ATP10B: variants seen among roughly 807,000 people sequenced by gnomAD.
ATP10B encodes the protein phospholipid-transporting ATPase VB.
A neutral mutation model predicts 141.2 loss-of-function variants in ATP10B; 122 were observed. That is an observed-to-expected ratio of 0.86 (90% CI 0.75 to 1.00). The LOEUF is 1.00. ATP10B is among the 50% of genes least tolerant of loss of function. The probability of loss-of-function intolerance (pLI) is 0.00; values close to 1 mark genes in which losing one functional copy is unlikely to be tolerated. For missense variants in ATP10B, 1,876 were observed against 1,825.3 expected (o/e 1.03, Z -0.51); for synonymous variants, 685 against 692.0 (o/e 0.99, Z 0.16).
At chr5:160,643,373 G>T (rs1381429111) in intron 9 of ATP10B, among the ~76,000 whole-genome samples, 1 of 152,188 alleles carries the variant, frequency 6.6e-6, no homozygotes, top group Non-Finnish European at 1.5e-5. Flanking sequence ...TCCAGCAAAG[G>T]TAGATGCTCC....
intron 2 of ATP10B, among the ~76,000 whole-genome samples, chr5:160,777,675 G>A (rs1770433656): frequency 1.3e-5 from 2 of 152,158 alleles, no homozygotes; most frequent in African/African-American, 2.4e-5. Context: ...TGACTATGTG[G>A]TTTTTATATA....
At chr5:160,633,553 G>A (rs1270728846) in intron 12 of ATP10B, 1 of 152,620 alleles carries the variant, frequency 6.6e-6, no homozygotes, top group Non-Finnish European at 1.5e-5. Flanking sequence ...GCCCATCGGG[G>A]GGTTGGGGGC....
At chr5:160,759,151 C>A (rs1487836679) in intron 2 of ATP10B, among the ~76,000 whole-genome samples, 1 of 152,146 alleles carries the variant, frequency 6.6e-6, no homozygotes, top group Non-Finnish European at 1.5e-5. Context: ...TCTTTCTGGG[C>A]CCTTTCAGAT....
chr5:160,720,943 C>G lies in ATP10B; in HGVS notation c.-330-3909G>C, dbSNP rs147159025. ...ATTGTTGATTACACTGGACTGATTT[C>G]AATTCCCTCAGTGAATAATTGGCAT... On this transcript the variant is annotated intron_variant, in intron 2 of 25. Coordinates refer to ENST00000327245, the MANE Select transcript of ATP10B (RefSeq NM_025153.3). Among the ~76,000 whole-genome samples the G allele has an allele frequency of 6.9e-3, 1,058 of 152,326 alleles. 4 individuals are homozygous for G. Among genetic ancestry groups the G allele is most frequent in the Middle Eastern group, 0.017 (5 of 294 alleles).
chr5:160,856,183 T>A (rs1753994098), upstream of ATP10B, among the ~76,000 whole-genome samples: 1 of 151,932 alleles, frequency 6.6e-6, no homozygotes, highest in Admixed American at 6.6e-5. Flanking sequence ...TCTTTACTAT[T>A]TGAATAGTCC....
chr5:160,709,621 T>TA (rs1246739245), intron 3 of ATP10B, among the ~76,000 whole-genome samples: 4 of 149,628 alleles, frequency 2.7e-5, no homozygotes, highest in South Asian at 2.2e-4. Flanking sequence ...TTTTTTTTTT[T>TA]ATTATACTCT....
chr5:160,859,979 T>C, the ATP10B span, among the ~76,000 whole-genome samples: 4 of 152,008 alleles, frequency 2.6e-5, no homozygotes, highest in African/African-American at 9.7e-5. Context: ...TAATTTTTAC[T>C]TGTACGTCTT....
At chr5:160,704,935 T>TTG (rs58334475) in intron 3 of ATP10B, among the ~76,000 whole-genome samples, 1 of 144,090 alleles carries the variant, frequency 6.9e-6, no homozygotes, top group Non-Finnish European at 1.5e-5. Flanking sequence ...TTTTTTTTTT[T>TTG]GTTGAGACAG....
At chr5:160,644,741 G>T (rs1229548278) in intron 8 of ATP10B, among the ~76,000 whole-genome samples, 3 of 152,008 alleles carry the variant, frequency 2.0e-5, no homozygotes, top group Non-Finnish European at 4.4e-5. Context: ...TTCAGCTCTG[G>T]GAATTATCCA....
chr5:160,834,838 A>G (rs1477108973), intron 1 of ATP10B, among the ~76,000 whole-genome samples: 1 of 152,096 alleles, frequency 6.6e-6, no homozygotes, highest in Non-Finnish European at 1.5e-5. Context: ...AGGATCTGTA[A>G]GACCTTGGTA....
intron 2 of ATP10B, among the ~76,000 whole-genome samples, chr5:160,717,566 T>C (rs1289915561): frequency 6.6e-6 from 1 of 152,200 alleles, no homozygotes; most frequent in African/African-American, 2.4e-5. Flanking sequence ...CGGTGATATA[T>C]TGGTTGAGAG....
At chr5:160,856,207 A>G (rs559090141), upstream of ATP10B, among the ~76,000 whole-genome samples, 1 of 151,892 alleles carries the variant, frequency 6.6e-6, no homozygotes, top group Non-Finnish European at 1.5e-5. Flanking sequence ...CAATGGACAT[A>G]GTGTGTCTCT....
At chr5:160,923,313 G>A in the ATP10B span, among the ~76,000 whole-genome samples, 5 of 152,210 alleles carry the variant, frequency 3.3e-5, no homozygotes, top group Admixed American at 3.3e-4. Flanking sequence ...ACATTGGCCT[G>A]GAGAATGGAT....
At chr5:160,857,262 A>G in the ATP10B span, among the ~76,000 whole-genome samples, 1 of 151,178 alleles carries the variant, frequency 6.6e-6, no homozygotes, top group African/African-American at 2.4e-5. Context: ...GGAAGTATCT[A>G]TTTTGCATTC....
chr5:160,848,683 T>C (rs1430333653), intron 1 of ATP10B, among the ~76,000 whole-genome samples: 1 of 152,114 alleles, frequency 6.6e-6, no homozygotes, highest in Non-Finnish European at 1.5e-5. Context: ...GACATCAAAA[T>C]TGCATCCAGC....
intron 19 of ATP10B, among the ~76,000 whole-genome samples, chr5:160,604,723 A>C (rs574249822): frequency 1.3e-5 from 2 of 151,648 alleles, no homozygotes; most frequent in South Asian, 4.2e-4. Flanking sequence ...CACACACATA[A>C]ACACACACAC....
chr5:160,891,533 G>T, the ATP10B span, among the ~76,000 whole-genome samples: 15 of 152,210 alleles, frequency 9.9e-5, no homozygotes, highest in African/African-American at 3.6e-4. Flanking sequence ...TCAACTCACT[G>T]CAATCTCCAC....
At chr5:160,597,600 G>C (rs965120025) in intron 22 of ATP10B, among the ~76,000 whole-genome samples, 3 of 151,904 alleles carry the variant, frequency 2.0e-5, no homozygotes, top group East Asian at 1.9e-4. Flanking sequence ...CCATCAGAGT[G>C]AACAGGCAAC....
chr5:160,653,639 CATAT>C (rs1241880280), intron 7 of ATP10B, among the ~76,000 whole-genome samples: 1 of 70,642 alleles, frequency 1.4e-5, no homozygotes, highest in South Asian at 5.4e-4. Context: ...TACATATATA[CATAT>C]ATATTATATA....
Sources: allele counts gnomAD v4.1 joint callset (sites outside exome capture counted in the v4.1 genomes callset), GRCh38; gene constraint gnomAD v4.1.1; transcripts MANE v1.5; gene names NCBI Gene and HGNC (gene_info 2026-07-23, HGNC 2026-07-21).